GTF3C1: variants seen among roughly 807,000 people sequenced by gnomAD.
The protein encoded by GTF3C1 is general transcription factor 3C polypeptide 1.
Under a neutral mutation model 226.7 loss-of-function variants are expected in GTF3C1, and 57 were observed. The observed-to-expected ratio is 0.25, with a 90% CI of 0.20 to 0.31. GTF3C1 has a LOEUF of 0.31. Among genes scored for constraint, GTF3C1 ranks in the 10% least tolerant of loss-of-function variants. The pLI is 1.00. For missense variants in GTF3C1, 2,217 were observed against 2,776.1 expected (o/e 0.80, Z 4.53); for synonymous variants, 1,090 against 1,084.8 (o/e 1.00, Z -0.09).
chr16:27,491,084 G>A (rs1441347894), intron 19 of GTF3C1, among the ~76,000 whole-genome samples: 1 of 152,154 alleles, frequency 6.6e-6, no homozygotes, highest in Non-Finnish European at 1.5e-5. Context: ...GAATGCCAGA[G>A]GATTCTATGA....
chr16:27,507,991 G>A lies in GTF3C1; in HGVS notation c.1242+549C>T, dbSNP rs1014685832. Reference sequence around the variant, plus strand: ...TCCCCATGTGGGAGTAGGCTCCCGGGGTGGCCACATCACCTTCTGACTACT... The same window carrying A: ...TCCCCATGTGGGAGTAGGCTCCCGGAGTGGCCACATCACCTTCTGACTACT... On this transcript the variant is annotated intron_variant, in intron 8 of 36. Coordinates refer to ENST00000356183, the MANE Select transcript of GTF3C1 (RefSeq NM_001520.4). The surrounding 1 kb of genome is among the most constrained non-coding windows in gnomAD (Gnocchi z 4.9). 6.6e-6 allele frequency among the ~76,000 whole-genome samples: 1 copy of A among 152,238 alleles called. No individual in the cohort carries two copies. Among genetic ancestry groups the A allele is most frequent in the African/African-American group, 2.4e-5 (1 of 41,464 alleles).
At chr16:27,496,747 T>A (rs556276747) in intron 14 of GTF3C1, among the ~76,000 whole-genome samples, 17 of 152,318 alleles carry the variant, frequency 1.1e-4, no homozygotes, top group Non-Finnish European at 2.2e-4. Context: ...TTGATACAAA[T>A]GCGCTGTTGC....
intron 2 of GTF3C1, among the ~76,000 whole-genome samples, chr16:27,543,438 C>T (rs907858570): frequency 4.6e-5 from 7 of 152,020 alleles, no homozygotes; most frequent in Non-Finnish European, 7.4e-5. Context: ...TTGTCCAGAC[C>T]GGAATGTGGT....
Position 27,470,696 on chromosome 16 carries a change from A to C in GTF3C1, c.4527-301T>G. 1 of 405,482 alleles carries C rather than the reference A, an allele frequency of 2.5e-6. No individual in the cohort carries two copies. The highest frequency in any genetic ancestry group is 4.6e-6 in the Non-Finnish European group (1 of 219,126). The allele number at this position is 405,482 out of a possible 1,614,324, so 25.1% of individuals were successfully genotyped here. A position where few individuals can be genotyped will look rare whatever the true frequency, so the allele number is the denominator to read the frequency against. On this transcript the variant is annotated intron_variant, in intron 30 of 36. Coordinates refer to ENST00000356183, the MANE Select transcript of GTF3C1 (RefSeq NM_001520.4). This position sits in a 1 kb window ranked among gnomAD's most constrained non-coding sequence, Gnocchi z 4.9. ...TGGCAGGCTCACCTTACAGGGGCTCACTGTACACAGCTGCTGAACTAGGGA... is the reference window on the plus strand; with the variant it reads ...TGGCAGGCTCACCTTACAGGGGCTCCCTGTACACAGCTGCTGAACTAGGGA...
At chr16:27,467,099 G>A (rs561912593) in intron 32 of GTF3C1, among the ~76,000 whole-genome samples, 1 of 152,364 alleles carries the variant, frequency 6.6e-6, no homozygotes, top group African/African-American at 2.4e-5. Flanking sequence ...TTTTCAATGT[G>A]CACAAAACAG....
In GTF3C1 at chr16:27,462,212, C is replaced by T; in HGVS notation, c.6117+82G>A. 1.0e-6 allele frequency: 1 copy of T among 971,766 alleles called. No homozygotes were observed. Among genetic ancestry groups the T allele is most frequent in the South Asian group, 1.5e-5 (1 of 65,200 alleles). 60.2% of individuals were successfully genotyped at this position (971,766 alleles called of 1,614,324 possible). ...AGCAGTATGGTGGTACTGCATGTTG[C>T]CTGGGGCCTGAACATCACAGCCGGG... On this transcript the variant is annotated intron_variant, in intron 36 of 36. Coordinates refer to ENST00000356183, the MANE Select transcript of GTF3C1 (RefSeq NM_001520.4). The surrounding 1 kb of genome is among the most constrained non-coding windows in gnomAD (Gnocchi z 4.5).
At chr16:27,544,927 C>T (rs1303208218) in intron 2 of GTF3C1, among the ~76,000 whole-genome samples, 2 of 151,908 alleles carry the variant, frequency 1.3e-5, no homozygotes, top group African/African-American at 4.8e-5. Context: ...TCCAAGTGCT[C>T]TGACTACACA....
intron 16 of GTF3C1, 142 bp from the exon 17 acceptor site, chr16:27,493,438 C>T: frequency 3.2e-6 from 2 of 630,192 alleles, no homozygotes; most frequent in Admixed American, 2.3e-5. Flanking sequence ...CCACCAAGTG[C>T]CCCTGCATCT....
Position 27,478,545 on chromosome 16 carries a change from A to C in GTF3C1, c.4197-14T>G. 1 of 1,596,700 alleles carries C rather than the reference A, an allele frequency of 6.3e-7. No homozygotes were observed. Among genetic ancestry groups the C allele is most frequent in the South Asian group, 1.1e-5 (1 of 90,784 alleles). On this transcript the variant is annotated splice_polypyrimidine_tract_variant and intron_variant, in intron 27 of 36. Transcript: ENST00000356183. ...AAAACTCGGTACCTGCAAAAGAAAC[A>C]TAACAGCATGTCAGTGAAACAAAAC...
rs938637910 is a variant in GTF3C1 at position 27,469,207 on chromosome 16, G to A, written c.5074+84C>T. ...GCACGCCTGGCCTGGGGAGCCTGAA[G>A]GTCTAGGTCCCAGGCCAGGCCTCAG... On this transcript the variant is annotated intron_variant, in intron 32 of 36. Coordinates refer to ENST00000356183, the MANE Select transcript of GTF3C1 (RefSeq NM_001520.4). The surrounding 1 kb of genome is among the most constrained non-coding windows in gnomAD (Gnocchi z 4.5). The A allele has an allele frequency of 7.3e-7, 1 of 1,373,654 alleles. No homozygotes were observed. 85.1% of individuals were successfully genotyped at this position (1,373,654 alleles called of 1,614,324 possible). A position where few individuals can be genotyped will look rare whatever the true frequency, so the allele number is the denominator to read the frequency against.
rs762643591 is a variant in GTF3C1, at chr16:27,470,093, A to G, written c.4814+15T>C. The G allele has an allele frequency of 1.2e-6, 2 of 1,607,222 alleles. No homozygotes were observed. The highest frequency in any genetic ancestry group is 4.5e-5 in the East Asian group (2 of 44,798). ...CACGTGGCCAGACCTGATGCTGCGGATGCCGGACTCTTACCTTTTGATGAC... is the reference window on the plus strand; with the variant it reads ...CACGTGGCCAGACCTGATGCTGCGGGTGCCGGACTCTTACCTTTTGATGAC... On this transcript the variant is annotated intron_variant, in intron 31 of 36. Transcript: ENST00000356183. This position sits in a 1 kb window ranked among gnomAD's most constrained non-coding sequence, Gnocchi z 4.9.
Position 27,461,590 on chromosome 16 carries a change from G to A in GTF3C1, c.6118-28C>T. ...GGAGACACCAGACACACAGGTTACA[G>A]CGGCACTGCCCTCGCCTGCTTGTTG... is the stretch of plus-strand genomic sequence containing the variant. On this transcript the variant is annotated intron_variant, in intron 36 of 36. Transcript: ENST00000356183. This position sits in a 1 kb window ranked among gnomAD's most constrained non-coding sequence, Gnocchi z 5.3. The A allele has an allele frequency of 6.6e-7, 1 of 1,515,108 alleles. No homozygotes were observed. The highest frequency in any genetic ancestry group is 9.2e-7 in the Non-Finnish European group (1 of 1,091,640). 93.9% of individuals were successfully genotyped at this position (1,515,108 alleles called of 1,614,324 possible).
chr16:27,518,106 C>T (rs2088688686), intron 6 of GTF3C1, among the ~76,000 whole-genome samples: 1 of 152,158 alleles, frequency 6.6e-6, no homozygotes, highest in South Asian at 2.1e-4. Flanking sequence ...CTTTAAGGGT[C>T]ACAAGCAATG....
intron 6 of GTF3C1, among the ~76,000 whole-genome samples, chr16:27,519,763 G>T (rs997617245): frequency 1.3e-5 from 2 of 152,128 alleles, no homozygotes; most frequent in African/African-American, 2.4e-5. Context: ...GAAAGAGAGA[G>T]AAAGAAAGAA....
In GTF3C1 at chr16:27,508,600, A is replaced by G. The variant is rs1231963800; in HGVS notation, c.1182T>C (p.Asn394=). 1.9e-6 allele frequency: 3 copies of G among 1,614,116 alleles called. No homozygotes were observed. The African/African-American group carries it at 4.0e-5, about 22-fold the overall frequency. ...ISQAEIRVAM[N]VGKLEARMLC... ...GCATTCTTGCTTCTAGTTTTCCCAC[A>G]TTCATAGCCACTCGGATTTCAGCTT... The change falls in exon 8 of 37, where the codon AAT becomes AAC. Residue 394 remains asparagine (N), a synonymous_variant. Coordinates refer to ENST00000356183, the MANE Select transcript of GTF3C1 (RefSeq NM_001520.4).
chr16:27,478,030 G>C (rs953809897), intron 28 of GTF3C1, among the ~76,000 whole-genome samples: 1 of 152,154 alleles, frequency 6.6e-6, no homozygotes, highest in Non-Finnish European at 1.5e-5. Flanking sequence ...AATTAGCTGG[G>C]TGTGGTGGCA....
chr16:27,492,954 G>C lies in GTF3C1; in HGVS notation c.2877-241C>G, dbSNP rs182078995. On this transcript the variant is annotated intron_variant, in intron 17 of 36. Coordinates refer to ENST00000356183, the MANE Select transcript of GTF3C1 (RefSeq NM_001520.4). This position sits in a 1 kb window ranked among gnomAD's most constrained non-coding sequence, Gnocchi z 5.0. ...GATTTGGAAAGTAAAAGTAATGAAA[G>C]GGAAAAAAAATTCCGATACTTGCAG... Among the ~76,000 whole-genome samples, 2 of 151,912 alleles carry C rather than the reference G, an allele frequency of 1.3e-5. No homozygotes were observed. Among genetic ancestry groups the C allele is most frequent in the African/African-American group, 4.8e-5 (2 of 41,370 alleles).
intron 25 of GTF3C1, among the ~76,000 whole-genome samples, chr16:27,483,780 T>C (rs919894370): frequency 3.3e-5 from 5 of 152,186 alleles, no homozygotes; most frequent in Admixed American, 2.0e-4. Flanking sequence ...GAGGGCATCC[T>C]GTCCAATGAT....
chr16:27,467,259 C>G (rs2087798349), intron 32 of GTF3C1, among the ~76,000 whole-genome samples: 1 of 152,214 alleles, frequency 6.6e-6, no homozygotes, highest in Non-Finnish European at 1.5e-5. Flanking sequence ...TTCCCATCCC[C>G]AAATTCTTAG....
Sources: allele counts gnomAD v4.1 joint callset (sites outside exome capture counted in the v4.1 genomes callset), GRCh38; gene constraint gnomAD v4.1.1; non-coding constraint Gnocchi (gnomAD v3.1); transcripts MANE v1.5; gene names NCBI Gene and HGNC (gene_info 2026-07-23, HGNC 2026-07-21).